The following ZNF20 variants were observed in gnomAD, a reference collection of about 807,000 sequenced individuals.
ZNF20 encodes zinc finger protein KOX13.
Under a neutral mutation model 11.0 loss-of-function variants are expected in ZNF20, and 9 were observed. That is an observed-to-expected ratio of 0.82 (90% confidence interval 0.49 to 1.43). The LOEUF is 1.43. Ranked by LOEUF, ZNF20 falls within the 40% of genes most tolerant of loss-of-function variation. The probability of loss-of-function intolerance (pLI) is 0.00; values close to 1 mark genes in which losing one functional copy is unlikely to be tolerated. For synonymous variants in ZNF20, 182 were observed against 213.0 expected, an observed-to-expected ratio of 0.85 and a Z score of 1.27; for missense variants, 528 against 640.8, an observed-to-expected ratio of 0.82 and a Z score of 1.90.
intron 3 of ZNF20, 139 bp downstream of exon 3, chr19:12,135,361 C>A (rs959052375): frequency 3.7e-6 from 3 of 813,288 alleles, no homozygotes; most frequent in Non-Finnish European, 4.0e-6. Context: ...GGGCTGGTCT[C>A]GAACTCCTGA....
Position 12,139,623 on chromosome 19 carries a change from T to G in ZNF20, c.3+557A>C, listed in dbSNP as rs542292020. The stretch of plus-strand genomic sequence containing the variant: ...TCGGCTCACTGCAACCTTCGTCTCC[T>G]GGGGTCATGCGATTCTCCTGCTTCA... On this transcript the variant is annotated intron_variant, in intron 1 of 3. Coordinates refer to ENST00000334213, the MANE Select transcript of ZNF20 (RefSeq NM_021143.4). The surrounding 1 kb of genome is among the most constrained non-coding windows in gnomAD (Gnocchi z 4.0). 9.9e-5 allele frequency among the ~76,000 whole-genome samples: 15 copies of G among 151,980 alleles called. No individual in the cohort carries two copies. The highest frequency in any genetic ancestry group is 3.6e-4 in the African/African-American group (15 of 41,444).
At chr19:12,136,885 GAACA>G (rs1414779895) in intron 1 of ZNF20, 5 of 439,974 alleles carry the variant, frequency 1.1e-5, no homozygotes, top group Admixed American at 2.5e-5. Context: ...ACCTACAGGA[GAACA>G]AACAATCTTT....
At chr19:12,136,946 C>T (rs550363452) in intron 1 of ZNF20, 2 of 401,334 alleles carry the variant, frequency 5.0e-6, no homozygotes, top group South Asian at 1.8e-5. Flanking sequence ...TGCCTGTTAC[C>T]GTGACTTCTT....
chr19:12,137,927 G>A (rs1011706641), intron 1 of ZNF20, among the ~76,000 whole-genome samples: 1 of 152,164 alleles, frequency 6.6e-6, no homozygotes, highest in South Asian at 2.1e-4. Context: ...TCTAGATGAA[G>A]AGTGTACCAG....
chr19:12,134,286 T>C (rs1325698506), intron 3 of ZNF20, among the ~76,000 whole-genome samples: 1 of 151,916 alleles, frequency 6.6e-6, no homozygotes, highest in African/African-American at 2.4e-5. Flanking sequence ...ATTGCGCCAT[T>C]GTGCTCTAGC....
At chr19:12,135,139 T>C (rs539811320) in intron 3 of ZNF20, among the ~76,000 whole-genome samples, 135 of 142,508 alleles carry the variant, frequency 9.5e-4, no homozygotes, top group African/African-American at 3.7e-3. Context: ...TAACATTTTC[T>C]CACTTTTTTT....
At chr19:12,135,714 T>C (rs1976699241) in intron 2 of ZNF20, 55 bp downstream of exon 2, 2 of 1,605,074 alleles carry the variant, frequency 1.2e-6, no homozygotes, top group Non-Finnish European at 8.5e-7. Flanking sequence ...ACAGCATTGA[T>C]GAGCTAGAAG....
Position 12,133,998 on chromosome 19 carries a change from A to C in ZNF20, c.201-13T>G. Reference sequence around the variant, plus strand: ...CTCTCTCATAAGACTTCAGTGAAAAATGAGAAGCACATTATTAACGGTTTG... The same window carrying C: ...CTCTCTCATAAGACTTCAGTGAAAACTGAGAAGCACATTATTAACGGTTTG... On this transcript the variant is annotated splice_polypyrimidine_tract_variant and intron_variant, in intron 3 of 3. Transcript: ENST00000334213. 1 of 1,590,876 alleles carries C rather than the reference A, an allele frequency of 6.3e-7. No individual in the cohort carries two copies. Among genetic ancestry groups the C allele is most frequent in the Non-Finnish European group, 8.6e-7 (1 of 1,168,956 alleles).
chr19:12,139,627 G>C lies in ZNF20; in HGVS notation c.3+553C>G, dbSNP rs557200431. On this transcript the variant is annotated intron_variant, in intron 1 of 3. Transcript: ENST00000334213. This position sits in a 1 kb window ranked among gnomAD's most constrained non-coding sequence, Gnocchi z 4.0. Reference sequence around the variant, plus strand: ...CTCACTGCAACCTTCGTCTCCTGGGGTCATGCGATTCTCCTGCTTCAGCCT... The same window carrying C: ...CTCACTGCAACCTTCGTCTCCTGGGCTCATGCGATTCTCCTGCTTCAGCCT... 1.3e-5 allele frequency among the ~76,000 whole-genome samples: 2 copies of C among 151,872 alleles called. No individual in the cohort carries two copies. The highest frequency in any genetic ancestry group is 4.2e-4 in the South Asian group (2 of 4,790).
intron 1 of ZNF20, among the ~76,000 whole-genome samples, chr19:12,138,128 C>G (rs551850778): frequency 1.3e-5 from 2 of 152,212 alleles, no homozygotes; most frequent in East Asian, 3.9e-4. Flanking sequence ...ATTGGGACTC[C>G]TGAAGACACA....
At chr19:12,134,372 G>A (rs886986356) in intron 3 of ZNF20, among the ~76,000 whole-genome samples, 7 of 151,918 alleles carry the variant, frequency 4.6e-5, no homozygotes, top group South Asian at 4.2e-4. Flanking sequence ...GCTGGGTATG[G>A]TGGGTCACGC....
chr19:12,140,033 A>C, intron 1 of ZNF20, 147 bp downstream of exon 1: 1 of 1,088,168 alleles, frequency 9.2e-7, no homozygotes, highest in Non-Finnish European at 1.3e-6. Context: ...CCTGCGGCCG[A>C]GGGGACGCAG....
At chr19:12,138,552 T>C (rs1005294794) in intron 1 of ZNF20, among the ~76,000 whole-genome samples, 4 of 149,258 alleles carry the variant, frequency 2.7e-5, no homozygotes, top group African/African-American at 7.7e-5. Flanking sequence ...GAGTATCAAG[T>C]GGTTATTCTC....
intron 1 of ZNF20, chr19:12,137,293 C>G (rs1976727638): frequency 7.0e-6 from 1 of 142,926 alleles, no homozygotes; most frequent in Admixed American, 6.9e-5. Context: ...CAGAAAGAGA[C>G]TGTCTCAGAA....
At position 12,139,535 on chromosome 19, in the gene ZNF20, T is replaced by A. The variant is rs1168520742; in HGVS notation, c.3+645A>T. The stretch of plus-strand genomic sequence containing the variant: ...CGCTGTTTGCTCAAACTCTTTAAAT[T>A]TTTTTTTTTTTTTGAGATGGAATCT... On this transcript the variant is annotated intron_variant, in intron 1 of 3. Coordinates refer to ENST00000334213, the MANE Select transcript of ZNF20 (RefSeq NM_021143.4). The surrounding 1 kb of genome is among the most constrained non-coding windows in gnomAD (Gnocchi z 4.0). Among the ~76,000 whole-genome samples, 1 of 102,852 alleles carries A rather than the reference T, an allele frequency of 9.7e-6. No individual in the cohort carries two copies. Among genetic ancestry groups the A allele is most frequent in the African/African-American group, 2.9e-5 (1 of 34,584 alleles). 67.5% of individuals were successfully genotyped at this position (102,852 alleles called of 152,430 possible). A position where few individuals can be genotyped will look rare whatever the true frequency, so the allele number is the denominator to read the frequency against.
chr19:12,135,209 G>A (rs556805388), intron 3 of ZNF20, among the ~76,000 whole-genome samples: 3 of 149,754 alleles, frequency 2.0e-5, no homozygotes, highest in East Asian at 2.0e-4. Context: ...GTGCGATCTC[G>A]GCTCACTGCA....
rs1416963217 is a variant in ZNF20 at position 12,137,312 on chromosome 19, AAAAAAG to A, written c.4-1414_4-1409del. On this transcript the variant is annotated intron_variant, in intron 1 of 3. Coordinates refer to ENST00000334213, the MANE Select transcript of ZNF20 (RefSeq NM_021143.4). ...AAGAGACTGTCTCAGAAAAAAAAAAAAAAAAGAAGAAGAAGAAAGCTGCACTTGACC... is the reference window on the plus strand; with the variant it reads ...AAGAGACTGTCTCAGAAAAAAAAAAAAAGAAGAAGAAAGCTGCACTTGACC... 48 of 147,332 alleles carry A rather than the reference AAAAAAG, an allele frequency of 3.3e-4. 1 individual carries two copies. Among genetic ancestry groups the A allele is most frequent in the African/African-American group, 1.3e-3 (47 of 37,428 alleles). The allele number at this position is 147,332 out of a possible 1,614,324, so 9.1% of individuals were successfully genotyped here.
rs1427396102 is a variant in ZNF20, at chr19:12,133,377, A to G, written c.809T>C (p.Ile270Thr). ...AGTGTGAGACCTTTTATGTCTACGA[A>G]TTTCACTAGGAAAACTGAATGCATT... ...CGNAFSFPSE[I>T]RRHKRSHTGE... The change falls in exon 4 of 4, where the codon ATT (isoleucine) becomes ACT (threonine). Residue 270 changes from isoleucine (I) to threonine (T), a missense_variant. Physicochemically the swap from Ile to Thr is moderately conservative, Grantham distance 89. Coordinates refer to ENST00000334213, the MANE Select transcript of ZNF20 (RefSeq NM_021143.4). The G allele has an allele frequency of 4.3e-6, 7 of 1,614,170 alleles. No homozygotes were observed. The highest frequency in any genetic ancestry group is 5.9e-6 in the Non-Finnish European group (7 of 1,180,008).
chr19:12,132,752 G>A lies in ZNF20; in HGVS notation c.1434C>T (p.Pro478=). The A allele has an allele frequency of 6.2e-7, 1 of 1,614,026 alleles. No individual in the cohort carries two copies. Among genetic ancestry groups the A allele is most frequent in the Non-Finnish European group, 8.5e-7 (1 of 1,180,002 alleles). ...CCTTACCACAGTGCTTACATTCATA[G>A]GGTTTCTCTCCAGTGTGAGTCCTTT... ...YHERTHTGEK[P]YECKHCGKAF... Residue 478 remains proline (P), a synonymous_variant, in exon 4 of 4, where the codon CCC becomes CCT. Coordinates refer to ENST00000334213, the MANE Select transcript of ZNF20 (RefSeq NM_021143.4).
Sources: gnomAD v4.1 joint callset for allele counts (sites outside exome capture counted in the v4.1 genomes callset) on GRCh38, gnomAD v4.1.1 for gene constraint, Gnocchi (gnomAD v3.1) non-coding constraint, MANE v1.5 for transcripts, NCBI Gene and HGNC (gene_info 2026-07-23, HGNC 2026-07-21) for gene names.